Variants in NMT2 observed in about 807,000 individuals in gnomAD.
NMT2 encodes N-myristoyltransferase 2, also known as glycylpeptide N-tetradecanoyltransferase 2.
A neutral mutation model predicts 65.4 loss-of-function variants in NMT2; 35 were observed. The ratio of observed to expected loss-of-function variants is 0.54; its 90% CI spans 0.41 to 0.71. NMT2 has a LOEUF of 0.71. Among genes scored for constraint, NMT2 ranks in the 30% least tolerant of loss-of-function variants. NMT2 has a pLI of 0.00. For missense variants in NMT2, 489 were observed against 611.3 expected (o/e 0.80, Z 2.11); for synonymous variants, 226 against 231.8 (o/e 0.98, Z 0.23).
rs930019838 is a variant in NMT2 at position 15,168,572 on chromosome 10, A to G, written c.41T>C (p.Leu14Pro). The G allele has an allele frequency of 1.3e-6, 2 of 1,589,896 alleles. No homozygotes were observed. The highest frequency in any genetic ancestry group is 3.4e-5 in the Admixed American group (2 of 58,564). Residue 14 changes from leucine to proline, a missense_variant, in exon 1 of 12, where the codon CTG (leucine) becomes CCG (proline). By Grantham distance (98) the Leu-to-Pro change is moderately conservative. Coordinates refer to ENST00000378165, the MANE Select transcript of NMT2 (RefSeq NM_004808.3). ...DSESAASQQSLELDDQDTCGI... is the reference protein window; with the variant it reads ...DSESAASQQSPELDDQDTCGI... ...GCACGTGTCCTGGTCGTCCAGTTCC[A>G]GGCTCTGCTGGCTGGCCGCAGACTC... is the stretch of plus-strand genomic sequence containing the variant.
chr10:15,116,138 G>GCAC (rs1365012286), intron 9 of NMT2, among the ~76,000 whole-genome samples: 1 of 152,158 alleles, frequency 6.6e-6, no homozygotes, highest in Non-Finnish European at 1.5e-5. Context: ...CACGTTTCAT[G>GCAC]CACCCATGGA....
intron 1 of NMT2, chr10:15,155,283 T>C: frequency 1.4e-6 from 2 of 1,402,472 alleles, no homozygotes; most frequent in South Asian, 2.3e-5. Flanking sequence ...GGCCTCGCTG[T>C]TGATGGCGAT....
intron 1 of NMT2, among the ~76,000 whole-genome samples, chr10:15,147,070 C>G (rs1588442244): frequency 8.9e-6 from 1 of 112,346 alleles, no homozygotes; most frequent in South Asian, 3.1e-4. Flanking sequence ...TCCAGCTGGG[C>G]AACAGCGAAA....
At chr10:15,111,790 A>G (rs572693890) in intron 10 of NMT2, 2 of 151,732 alleles carry the variant, frequency 1.3e-5, no homozygotes, top group Admixed American at 1.3e-4. Flanking sequence ...GGCACAGGTA[A>G]GAGATTTTTA....
In NMT2 at chr10:15,141,573, A is replaced by G; in HGVS notation, c.111-16T>C. The G allele has an allele frequency of 6.3e-7, 1 of 1,596,980 alleles. No homozygotes were observed. The highest frequency in any genetic ancestry group is 1.7e-4 in the Middle Eastern group (1 of 6,024). On this transcript the variant is annotated splice_polypyrimidine_tract_variant and intron_variant, in intron 1 of 11. Transcript: ENST00000378165. ...TCCAGGACTTCTGCAGGAAATGCAA[A>G]GATGGTGAAACCAACCAACAAACAA...
At chr10:15,133,030 C>G in intron 5 of NMT2, 23 bp downstream of exon 5, 1 of 1,608,166 alleles carries the variant, frequency 6.2e-7, no homozygotes, top group Non-Finnish European at 8.5e-7. Flanking sequence ...CTATCCACGA[C>G]ATCTGTGATC....
intron 2 of NMT2, chr10:15,140,889 A>G (rs1345500562): frequency 6.5e-5 from 77 of 1,180,896 alleles, no homozygotes; most frequent in Non-Finnish European, 9.2e-5. Context: ...GGTTTGGTTT[A>G]AACTAGGAGA....
Position 15,141,988 on chromosome 10 carries a change from C to T in NMT2, c.111-431G>A, listed in dbSNP as rs539701478. Among the ~76,000 whole-genome samples the T allele has an allele frequency of 3.7e-4, 56 of 152,186 alleles. 1 individual carries two copies. Among genetic ancestry groups the T allele is most frequent in the Non-Finnish European group, 7.1e-4 (48 of 68,006 alleles). On this transcript the variant is annotated intron_variant, in intron 1 of 11. Coordinates refer to ENST00000378165, the MANE Select transcript of NMT2 (RefSeq NM_004808.3). ...CAGAACTAAACAAACCACTTTTTTG[C>T]AGAGGAGGAAATGTTCCCTGATAAA...
At chr10:15,163,903 G>T (rs1253372181) in intron 1 of NMT2, among the ~76,000 whole-genome samples, 6 of 152,178 alleles carry the variant, frequency 3.9e-5, no homozygotes, top group African/African-American at 9.7e-5. Context: ...TCTTAGGCCG[G>T]GGACGGTGGC....
intron 1 of NMT2, among the ~76,000 whole-genome samples, chr10:15,166,934 T>C (rs1833396415): frequency 6.6e-6 from 1 of 152,042 alleles, no homozygotes; most frequent in South Asian, 2.1e-4. Flanking sequence ...ACCTAGAATA[T>C]CAATCAAAGG....
intron 3 of NMT2, 66 bp from the exon 4 acceptor site, chr10:15,133,429 T>C (rs1049904453): frequency 7.7e-7 from 1 of 1,292,298 alleles, no homozygotes; most frequent in African/African-American, 1.5e-5. Flanking sequence ...CAAAGTATTC[T>C]AACCATCCAA....
At chr10:15,161,081 CAAAAAAAAAAAAAAAA>C (rs750859200) in intron 1 of NMT2, among the ~76,000 whole-genome samples, 20 of 19,274 alleles carry the variant, frequency 1.0e-3, no homozygotes, top group Non-Finnish European at 1.8e-3. Context: ...CCTCAAAAAT[CAAAAAAAAAAAAAAAA>C]AAAAAAAAAA....
At chr10:15,109,253 A>C (rs759295722) in intron 11 of NMT2, 38 bp from the exon 12 acceptor site, 1 of 1,603,614 alleles carries the variant, frequency 6.2e-7, no homozygotes, top group Admixed American at 1.7e-5. Flanking sequence ...AAGAAAAATT[A>C]GATTGCAATG....
In NMT2 at chr10:15,168,485, C is replaced by G. The variant is rs765778600; in HGVS notation, c.110+18G>C. 11 of 1,566,336 alleles carry G rather than the reference C, an allele frequency of 7.0e-6. No individual in the cohort carries two copies. The highest frequency in any genetic ancestry group is 9.5e-6 in the Non-Finnish European group (11 of 1,155,832). ...TCCCCGCCCTGTCGCGCCCGGTGCG[C>G]CAGCGCGCCGCCCCTACCCTTTGGC... On this transcript the variant is annotated intron_variant, in intron 1 of 11. Transcript: ENST00000378165.
intron 10 of NMT2, among the ~76,000 whole-genome samples, chr10:15,110,506 G>C (rs1457319154): frequency 2.0e-5 from 3 of 152,080 alleles, no homozygotes; most frequent in Non-Finnish European, 2.9e-5. Context: ...CGGCATGGTG[G>C]TGTGTGCCTG....
rs771224128 is a variant in NMT2, at chr10:15,149,133, G to A, written c.111-7576C>T. ...CACCATTATCATCATCACCACCATC[G>A]CCACTACCATTGATCGCCATCACCA... is the stretch of plus-strand genomic sequence containing the variant. On this transcript the variant is annotated intron_variant, in intron 1 of 11. Transcript: ENST00000378165. 4.8e-3 allele frequency among the ~76,000 whole-genome samples: 672 copies of A among 140,546 alleles called. 3 individuals are homozygous for A. Among genetic ancestry groups the A allele is most frequent in the Middle Eastern group, 8.5e-3 (2 of 236 alleles). 92.2% of individuals were successfully genotyped at this position (140,546 alleles called of 152,430 possible).
intron 2 of NMT2, 26 bp downstream of exon 2, chr10:15,141,396 A>G: frequency 6.2e-7 from 1 of 1,613,062 alleles, no homozygotes; most frequent in South Asian, 1.1e-5. Context: ...AACCACACAG[A>G]GGAAAAAATA....
At chr10:15,120,007 C>A (rs1305672969) in intron 8 of NMT2, among the ~76,000 whole-genome samples, 1 of 152,098 alleles carries the variant, frequency 6.6e-6, no homozygotes, top group South Asian at 2.1e-4. Flanking sequence ...CAACCTTAGA[C>A]GAAAAATATT....
chr10:15,123,099 G>A (rs1290169163), intron 8 of NMT2, among the ~76,000 whole-genome samples: 1 of 152,084 alleles, frequency 6.6e-6, no homozygotes, highest in Non-Finnish European at 1.5e-5. Flanking sequence ...AGTATCATAA[G>A]TTTGGCAACT....
Sources: gnomAD v4.1 joint callset for allele counts (sites outside exome capture counted in the v4.1 genomes callset) on GRCh38, gnomAD v4.1.1 for gene constraint, MANE v1.5 for transcripts, NCBI Gene and HGNC (gene_info 2026-07-23, HGNC 2026-07-21) for gene names.